TEC: variants seen among roughly 807,000 people sequenced by gnomAD.
TEC encodes the protein tec protein tyrosine kinase.
A neutral mutation model predicts 93.0 loss-of-function variants in TEC; 72 were observed. That is an observed-to-expected ratio of 0.77 (90% CI 0.64 to 0.94). TEC has a LOEUF of 0.94. Among genes scored for constraint, TEC ranks in the 40% least tolerant of loss-of-function variants. TEC has a pLI of 0.00. For synonymous variants in TEC, 249 were observed against 247.7 expected (o/e 1.01, Z -0.05); for missense variants, 630 against 757.9 (o/e 0.83, Z 1.98).
rs1423437298 is a variant in TEC, at chr4:48,176,242, A to G, written c.139-56T>C. 1.3e-5 allele frequency: 17 copies of G among 1,358,210 alleles called. No homozygotes were observed. The South Asian group carries it at 1.8e-4, about 15-fold the overall frequency. 84.1% of individuals were successfully genotyped at this position (1,358,210 alleles called of 1,614,324 possible). On this transcript the variant is annotated intron_variant, in intron 2 of 17. Coordinates refer to ENST00000381501, the MANE Select transcript of TEC (RefSeq NM_003215.3). ...AATCATAAGACATAAAAAAATTAAC[A>G]GTAATATTGTTAAGGAAATTTTGCT...
chr4:48,201,263 G>A (rs1722497424), intron 2 of TEC, among the ~76,000 whole-genome samples: 1 of 152,280 alleles, frequency 6.6e-6, no homozygotes, highest in East Asian at 1.9e-4. Flanking sequence ...GAGATTACAG[G>A]GGTGGGGGAC....
chr4:48,141,246 C>A, intron 15 of TEC, 109 bp downstream of exon 15: 1 of 913,924 alleles, frequency 1.1e-6, no homozygotes, highest in Non-Finnish European at 1.7e-6. Flanking sequence ...ATCTGAGAAC[C>A]AGTTAACAAG....
At chr4:48,232,286 C>G (rs1723669765) in intron 1 of TEC, among the ~76,000 whole-genome samples, 1 of 144,060 alleles carries the variant, frequency 6.9e-6, no homozygotes, top group Non-Finnish European at 1.5e-5. Context: ...AAGACTCTGT[C>G]TCAAAAAAAC....
Position 48,145,512 on chromosome 4 carries a change from C to A in TEC, c.1149G>T (p.Val383=). The change falls in exon 13 of 18, where the codon GTG becomes GTT. Residue 383 remains valine (V), a synonymous_variant. Transcript: ENST00000381501. ...MRELGSGLFG[V]VRLGKWRAQY... ...GGGCTCGCCATTTGCCAAGCCTCAC[C>A]ACTCCAAACAGTCCACTTCCCAATT... is the stretch of plus-strand genomic sequence containing the variant. 1.2e-6 allele frequency: 2 copies of A among 1,614,148 alleles called. No homozygotes were observed. The highest frequency in any genetic ancestry group is 3.3e-5 in the Admixed American group (2 of 60,008).
chr4:48,235,077 A>G (rs1424396869), intron 1 of TEC, among the ~76,000 whole-genome samples: 2 of 152,166 alleles, frequency 1.3e-5, no homozygotes, highest in Admixed American at 1.3e-4. Flanking sequence ...ATAATAGGAA[A>G]AAAAAAAAGC....
chr4:48,248,785 G>A (rs2109665628), intron 1 of TEC, among the ~76,000 whole-genome samples: 2 of 152,166 alleles, frequency 1.3e-5, no homozygotes, highest in East Asian at 3.9e-4. Context: ...CCCTTCTGGG[G>A]TGTATACTCA....
intron 1 of TEC, among the ~76,000 whole-genome samples, chr4:48,260,237 A>C (rs1227535716): frequency 6.6e-6 from 1 of 152,190 alleles, no homozygotes; most frequent in African/African-American, 2.4e-5. Context: ...GAAAAAATGG[A>C]AACTTCACAT....
chr4:48,265,406 T>C (rs1289095824), intron 1 of TEC, among the ~76,000 whole-genome samples: 1 of 148,338 alleles, frequency 6.7e-6, no homozygotes, highest in East Asian at 2.0e-4. Context: ...TATATGTATA[T>C]ATATACACAC....
chr4:48,242,645 T>C (rs11934755), intron 1 of TEC, among the ~76,000 whole-genome samples: 17,909 of 152,256 alleles, frequency 0.12, 1,295 homozygotes, highest in East Asian at 0.24. Context: ...GATCCTTTTT[T>C]CTCAGAGATG....
chr4:48,140,055 A>G (rs770530083), intron 15 of TEC, among the ~76,000 whole-genome samples: 1 of 152,260 alleles, frequency 6.6e-6, no homozygotes, highest in Non-Finnish European at 1.5e-5. Flanking sequence ...ACAGCCTGTC[A>G]AATATATAGT....
chr4:48,199,066 C>T (rs1722401020), intron 2 of TEC, among the ~76,000 whole-genome samples: 1 of 152,214 alleles, frequency 6.6e-6, no homozygotes, highest in South Asian at 2.1e-4. Context: ...GTATTTTCTC[C>T]TTTTACAGGT....
At chr4:48,219,058 A>G (rs1560414060) in intron 2 of TEC, among the ~76,000 whole-genome samples, 2 of 152,230 alleles carry the variant, frequency 1.3e-5, no homozygotes, top group African/African-American at 4.8e-5. Flanking sequence ...CAAATTAGAT[A>G]TAGAGAGGAC....
intron 1 of TEC, among the ~76,000 whole-genome samples, chr4:48,251,181 C>G (rs1309996688): frequency 6.6e-6 from 1 of 152,148 alleles, no homozygotes; most frequent in African/African-American, 2.4e-5. Flanking sequence ...CTTCTCTAAC[C>G]GCATCTAGTA....
At chr4:48,204,374 G>A (rs1288249944) in intron 2 of TEC, among the ~76,000 whole-genome samples, 1 of 152,190 alleles carries the variant, frequency 6.6e-6, no homozygotes, top group African/African-American at 2.4e-5. Flanking sequence ...TGTTGTCACA[G>A]CTCACTGATG....
chr4:48,183,082 G>C (rs996759725), intron 2 of TEC, among the ~76,000 whole-genome samples: 45 of 152,116 alleles, frequency 3.0e-4, no homozygotes, highest in African/African-American at 9.9e-4. Flanking sequence ...GGTGAATCAT[G>C]TCTGCATTGC....
chr4:48,228,441 TAGAAAGCAGAA>T, intron 2 of TEC, 25 bp downstream of exon 2: 1 of 1,540,506 alleles, frequency 6.5e-7, no homozygotes, highest in African/African-American at 1.4e-5. Flanking sequence ...GTTATCTACA[TAGAAAGCAGAA>T]AAGTAAATCG....
intron 2 of TEC, among the ~76,000 whole-genome samples, chr4:48,213,478 CACAA>C (rs1722976310): frequency 6.6e-6 from 1 of 152,112 alleles, no homozygotes; most frequent in Non-Finnish European, 1.5e-5. Context: ...ACAGTATATT[CACAA>C]AACTAAAAGG....
chr4:48,144,516 A>G (rs1355137013), intron 14 of TEC, among the ~76,000 whole-genome samples: 1 of 152,194 alleles, frequency 6.6e-6, no homozygotes, highest in Admixed American at 6.5e-5. Context: ...AACAGGTGAG[A>G]AGGGAAAAAT....
At chr4:48,197,525 GTTC>G (rs1722341955) in intron 2 of TEC, among the ~76,000 whole-genome samples, 1 of 152,156 alleles carries the variant, frequency 6.6e-6, no homozygotes, top group Non-Finnish European at 1.5e-5. Context: ...GACCTTCCTT[GTTC>G]TTCTTGAAAG....
Sources: allele counts gnomAD v4.1 joint callset (sites outside exome capture counted in the v4.1 genomes callset), GRCh38; gene constraint gnomAD v4.1.1; transcripts MANE v1.5; gene names NCBI Gene and HGNC (gene_info 2026-07-23, HGNC 2026-07-21).